ADAMTS3: variants seen among roughly 807,000 people sequenced by gnomAD.
ADAMTS3 encodes A disintegrin and metalloproteinase with thrombospondin motifs 3.
Under a neutral mutation model 129.0 loss-of-function variants are expected in ADAMTS3, and 73 were observed. The observed-to-expected ratio is 0.57, with a 90% CI of 0.47 to 0.69. The LOEUF is 0.69. ADAMTS3 is among the 30% of genes least tolerant of loss of function. The probability of loss-of-function intolerance (pLI) is 0.00; values close to 1 mark genes in which losing one functional copy is unlikely to be tolerated. For synonymous variants in ADAMTS3, 477 were observed against 510.8 expected (o/e 0.93, Z 0.89); for missense variants, 1,457 against 1,514.5 (o/e 0.96, Z 0.63).
chr4:72,335,433 G>C (rs1230973613), intron 5 of ADAMTS3, among the ~76,000 whole-genome samples: 1 of 152,040 alleles, frequency 6.6e-6, no homozygotes, highest in Non-Finnish European at 1.5e-5. Context: ...TAAAACAACA[G>C]ATAAACCAAA....
In ADAMTS3 at chr4:72,532,123, C is replaced by T. The variant is rs118157550; in HGVS notation, c.504+16355G>A. Reference sequence around the variant, plus strand: ...AGCTAGAAAAAACCAGTATCCAGTACCATTGCACACATACAAGAAACAGAC... The same window carrying T: ...AGCTAGAAAAAACCAGTATCCAGTATCATTGCACACATACAAGAAACAGAC... On this transcript the variant is annotated intron_variant, in intron 3 of 21. Coordinates refer to ENST00000286657, the MANE Select transcript of ADAMTS3 (RefSeq NM_014243.3). Among the ~76,000 whole-genome samples, 243 of 151,880 alleles carry T rather than the reference C, an allele frequency of 1.6e-3. 3 individuals are homozygous for T. The East Asian group carries it at 0.045, about 28-fold the overall frequency.
intron 17 of ADAMTS3, among the ~76,000 whole-genome samples, chr4:72,302,734 A>G (rs4530596): frequency 0.2 from 29,716 of 152,018 alleles, 3,448 homozygotes; most frequent in East Asian, 0.47. Flanking sequence ...CCAACAAGAC[A>G]AAACAAAAAG....
At chr4:72,376,840 GT>G (rs1308304728) in intron 4 of ADAMTS3, among the ~76,000 whole-genome samples, 4 of 152,094 alleles carry the variant, frequency 2.6e-5, no homozygotes, top group African/African-American at 9.7e-5. Context: ...GCCAAGGATG[GT>G]ATTTTTGAGT....
At position 72,334,727 on chromosome 4, in the gene ADAMTS3, T is replaced by C. The variant is rs1392724500; in HGVS notation, c.861+4767A>G. Reference sequence around the variant, plus strand: ...AACCACTTTCCCAGTAAATCAACCATGTTACAAGTTAGTAAAACTATAAAC... The same window carrying C: ...AACCACTTTCCCAGTAAATCAACCACGTTACAAGTTAGTAAAACTATAAAC... On this transcript the variant is annotated intron_variant, in intron 5 of 21. Transcript: ENST00000286657. 2.0e-5 allele frequency among the ~76,000 whole-genome samples: 3 copies of C among 152,160 alleles called. No individual in the cohort carries two copies. In the East Asian group the frequency reaches 5.8e-4, roughly 29 times the overall value.
chr4:72,450,966 A>AGGC (rs773871139), intron 3 of ADAMTS3, among the ~76,000 whole-genome samples: 34 of 79,068 alleles, frequency 4.3e-4, no homozygotes, highest in South Asian at 9.2e-4. Context: ...GCAGGCAGGC[A>AGGC]AAAAGAAGAG....
At chr4:72,386,397 C>A (rs1303205294) in intron 4 of ADAMTS3, among the ~76,000 whole-genome samples, 1 of 151,882 alleles carries the variant, frequency 6.6e-6, no homozygotes, top group East Asian at 1.9e-4. Context: ...AATTGCCTAG[C>A]CAAAAATATT....
intron 3 of ADAMTS3, among the ~76,000 whole-genome samples, chr4:72,507,878 T>G (rs1270741002): frequency 6.6e-6 from 1 of 152,254 alleles, no homozygotes; most frequent in Non-Finnish European, 1.5e-5. Flanking sequence ...CACAGTCAAA[T>G]GTCCTTTTTT....
chr4:72,512,274 T>C (rs190263234), intron 3 of ADAMTS3, among the ~76,000 whole-genome samples: 4 of 152,078 alleles, frequency 2.6e-5, no homozygotes, highest in African/African-American at 9.7e-5. Flanking sequence ...GGTGGATCAC[T>C]TGAGGTCAGG....
At chr4:72,539,092 T>C (rs906221144) in intron 3 of ADAMTS3, among the ~76,000 whole-genome samples, 1 of 151,926 alleles carries the variant, frequency 6.6e-6, no homozygotes, top group Admixed American at 6.6e-5. Context: ...GGGCAAAAGC[T>C]TCACAACATT....
intron 3 of ADAMTS3, among the ~76,000 whole-genome samples, chr4:72,486,926 T>C (rs1719606320): frequency 6.6e-6 from 1 of 152,172 alleles, no homozygotes; most frequent in Non-Finnish European, 1.5e-5. Flanking sequence ...AAATGCTCAG[T>C]TAACTGTAGA....
At chr4:72,493,194 T>C (rs570688433) in intron 3 of ADAMTS3, among the ~76,000 whole-genome samples, 1 of 152,066 alleles carries the variant, frequency 6.6e-6, no homozygotes, top group Admixed American at 6.6e-5. Flanking sequence ...TTTTGTTTGG[T>C]GGTGAGTTTA....
intron 3 of ADAMTS3, among the ~76,000 whole-genome samples, chr4:72,431,714 T>C (rs1722701624): frequency 6.6e-6 from 1 of 151,966 alleles, no homozygotes; most frequent in Admixed American, 6.6e-5. Context: ...TAAGGAATAC[T>C]CAACCTGTAC....
intron 3 of ADAMTS3, among the ~76,000 whole-genome samples, chr4:72,497,023 T>TC (rs1560538318): frequency 6.6e-6 from 1 of 151,690 alleles, no homozygotes; most frequent in African/African-American, 2.4e-5. Flanking sequence ...TCATTCCAGG[T>TC]CCCCCCTTTG....
chr4:72,388,951 T>A (rs1396549939), intron 4 of ADAMTS3, among the ~76,000 whole-genome samples: 2 of 152,194 alleles, frequency 1.3e-5, no homozygotes, highest in Non-Finnish European at 2.9e-5. Flanking sequence ...TGAAATGTTG[T>A]CTACTAGGAA....
At chr4:72,348,535 C>T (rs1720345753) in intron 4 of ADAMTS3, among the ~76,000 whole-genome samples, 1 of 152,076 alleles carries the variant, frequency 6.6e-6, no homozygotes, top group African/African-American at 2.4e-5. Flanking sequence ...ATGCCCTGCC[C>T]TAGTCCCAAG....
At chr4:72,307,852 G>A (rs1457090245) in intron 15 of ADAMTS3, among the ~76,000 whole-genome samples, 3 of 151,970 alleles carry the variant, frequency 2.0e-5, no homozygotes, top group Non-Finnish European at 4.4e-5. Context: ...TTAGTGCAAA[G>A]ATATGGAAGT....
intron 4 of ADAMTS3, among the ~76,000 whole-genome samples, chr4:72,384,842 AT>A (rs1249743404): frequency 6.6e-6 from 1 of 152,184 alleles, no homozygotes; most frequent in Non-Finnish European, 1.5e-5. Context: ...TTTATAACAT[AT>A]GTACAGATAA....
intron 2 of ADAMTS3, among the ~76,000 whole-genome samples, chr4:72,552,373 G>A (rs980594947): frequency 6.6e-6 from 1 of 152,136 alleles, no homozygotes; most frequent in Non-Finnish European, 1.5e-5. Context: ...TAATTTAAGT[G>A]TAAGTTAGCC....
chr4:72,568,181 C>G (rs1226664764), intron 1 of ADAMTS3: 1 of 154,752 alleles, frequency 6.5e-6, no homozygotes, highest in South Asian at 2.0e-4. Context: ...CACGTGTCTA[C>G]TGGATCTCTC....
Sources: allele counts gnomAD v4.1 joint callset (sites outside exome capture counted in the v4.1 genomes callset), GRCh38; gene constraint gnomAD v4.1.1; transcripts MANE v1.5; gene names NCBI Gene and HGNC (gene_info 2026-07-23, HGNC 2026-07-21).